Variants in PCDH9 observed in about 807,000 individuals in gnomAD.
The protein encoded by PCDH9 is protocadherin 9.
Under a neutral mutation model 70.6 loss-of-function variants are expected in PCDH9, and 24 were observed. The observed-to-expected ratio is 0.34, with a 90% CI of 0.25 to 0.48. PCDH9 has a LOEUF of 0.48. Among genes scored for constraint, PCDH9 ranks in the 20% least tolerant of loss-of-function variants. The pLI, the probability that PCDH9 is intolerant of heterozygous loss-of-function variation, is 0.99. For missense variants in PCDH9, 1,281 were observed against 1,503.6 expected (o/e 0.85, Z 2.45); for synonymous variants, 562 against 558.5 (o/e 1.01, Z -0.09).
At chr13:66,475,011 G>C (rs1247714603) in intron 4 of PCDH9, among the ~76,000 whole-genome samples, 1 of 152,096 alleles carries the variant, frequency 6.6e-6, no homozygotes, top group East Asian at 1.9e-4. Context: ...TGTCACAATA[G>C]ATAGGTTAAA....
At chr13:67,064,630 A>G (rs1433167016) in intron 2 of PCDH9, among the ~76,000 whole-genome samples, 2 of 152,150 alleles carry the variant, frequency 1.3e-5, no homozygotes, top group Admixed American at 6.6e-5. Context: ...GACAAAATCA[A>G]TTTTACTTAC....
intron 2 of PCDH9, among the ~76,000 whole-genome samples, chr13:67,196,745 A>T (rs2089074953): frequency 6.6e-6 from 1 of 151,994 alleles, no homozygotes; most frequent in African/African-American, 2.4e-5. Flanking sequence ...GATTCTTGGA[A>T]TGAGTGTTAG....
At chr13:67,154,595 A>ATATATATAT (rs1206022574) in intron 2 of PCDH9, among the ~76,000 whole-genome samples, 13 of 88,974 alleles carry the variant, frequency 1.5e-4, no homozygotes, top group South Asian at 7.2e-4. Context: ...AAAAAAAAAA[A>ATATATATAT]ATATATATAT....
At chr13:66,933,835 A>G (rs542774194) in intron 2 of PCDH9, among the ~76,000 whole-genome samples, 18 of 149,320 alleles carry the variant, frequency 1.2e-4, no homozygotes, top group Middle Eastern at 3.4e-3. Flanking sequence ...AAAACATGAC[A>G]TTTGTTTTTA....
chr13:67,078,997 G>A (rs1308426517), intron 2 of PCDH9, among the ~76,000 whole-genome samples: 2 of 152,026 alleles, frequency 1.3e-5, no homozygotes, highest in South Asian at 2.1e-4. Context: ...CAATCTGAGA[G>A]TCATGGGTGG....
chr13:67,137,097 A>G (rs1209979859), intron 2 of PCDH9, among the ~76,000 whole-genome samples: 3 of 152,078 alleles, frequency 2.0e-5, no homozygotes, highest in African/African-American at 7.2e-5. Context: ...CATTGTGCAC[A>G]TGTACCCTAG....
At chr13:67,221,299 C>G (rs1409696479) in intron 2 of PCDH9, 1 of 151,964 alleles carries the variant, frequency 6.6e-6, no homozygotes, top group Non-Finnish European at 1.5e-5. Flanking sequence ...TTTTACATAA[C>G]ATAATAACAT....
rs142092034 is a variant in PCDH9, at chr13:66,709,358, T to C, written c.3139-77947A>G. The stretch of plus-strand genomic sequence containing the variant: ...ACAATAACTAAATACAATTGTATCA[T>C]AGAAAATCATTATTAAGGGTTTCTG... On this transcript the variant is annotated intron_variant, in intron 3 of 4. Transcript: ENST00000377865. Among the ~76,000 whole-genome samples, 20 of 152,312 alleles carry C rather than the reference T, an allele frequency of 1.3e-4. No individual in the cohort carries two copies. The East Asian group carries it at 3.1e-3, about 24-fold the overall frequency.
chr13:66,654,797 C>T (rs2077905013), intron 3 of PCDH9, among the ~76,000 whole-genome samples: 1 of 152,160 alleles, frequency 6.6e-6, no homozygotes, highest in African/African-American at 2.4e-5. Context: ...AGCCTTTGAC[C>T]TCTTGAGTTC....
intron 2 of PCDH9, among the ~76,000 whole-genome samples, chr13:67,007,557 A>G (rs1324593297): frequency 2.6e-5 from 4 of 152,216 alleles, no homozygotes; most frequent in African/African-American, 7.2e-5. Context: ...TGAAAACATT[A>G]TGGGAGCATG....
intron 2 of PCDH9, chr13:67,217,228 T>C (rs904002459): frequency 6.6e-6 from 1 of 151,532 alleles, no homozygotes; most frequent in African/African-American, 2.4e-5. Context: ...TCATAACTGC[T>C]TCTGTGTTTC....
intron 3 of PCDH9, among the ~76,000 whole-genome samples, chr13:66,883,292 G>A (rs1594203237): frequency 6.6e-6 from 1 of 152,154 alleles, no homozygotes; most frequent in South Asian, 2.1e-4. Flanking sequence ...TAGAGACTAA[G>A]GCTGGGTTTT....
chr13:67,039,306 G>A (rs574842542), intron 2 of PCDH9, among the ~76,000 whole-genome samples: 14 of 152,252 alleles, frequency 9.2e-5, no homozygotes, highest in Admixed American at 5.9e-4. Context: ...CTAAGTACCG[G>A]ACCAAGGAGC....
intron 2 of PCDH9, among the ~76,000 whole-genome samples, chr13:67,150,539 G>T (rs1284985021): frequency 6.6e-6 from 1 of 152,046 alleles, no homozygotes; most frequent in Non-Finnish European, 1.5e-5. Flanking sequence ...CATTTCAATG[G>T]CCCCAGGGTG....
At chr13:66,789,762 G>A (rs2080135245) in intron 3 of PCDH9, among the ~76,000 whole-genome samples, 1 of 152,006 alleles carries the variant, frequency 6.6e-6, no homozygotes. Context: ...TACAATATCT[G>A]GCATTGTGAA....
intron 3 of PCDH9, among the ~76,000 whole-genome samples, chr13:66,842,931 TATGGAAACC>T: frequency 6.6e-6 from 1 of 152,294 alleles, no homozygotes; most frequent in Non-Finnish European, 1.5e-5. Flanking sequence ...GCCCAGCCTC[TATGGAAACC>T]ACGAAAGAAG....
At chr13:66,991,647 C>A (rs2084005213) in intron 2 of PCDH9, among the ~76,000 whole-genome samples, 1 of 151,934 alleles carries the variant, frequency 6.6e-6, no homozygotes, top group Admixed American at 6.6e-5. Context: ...GAACTCAAGT[C>A]TGAAAAATAA....
intron 4 of PCDH9, among the ~76,000 whole-genome samples, chr13:66,539,553 T>C (rs1433313173): frequency 6.6e-6 from 1 of 152,132 alleles, no homozygotes; most frequent in Non-Finnish European, 1.5e-5. Flanking sequence ...AATACAATCA[T>C]AGAGCTCAGA....
chr13:66,473,357 A>G (rs1475971831), intron 4 of PCDH9, among the ~76,000 whole-genome samples: 1 of 151,538 alleles, frequency 6.6e-6, no homozygotes, highest in East Asian at 1.9e-4. Flanking sequence ...AATACGAATT[A>G]TAAGTTAATA....
Sources: allele counts gnomAD v4.1 joint callset (sites outside exome capture counted in the v4.1 genomes callset), GRCh38; gene constraint gnomAD v4.1.1; transcripts MANE v1.5; gene names NCBI Gene and HGNC (gene_info 2026-07-23, HGNC 2026-07-21).